The following IGFBPL1 variants were observed in gnomAD, a reference collection of about 807,000 sequenced individuals.
IGFBPL1 encodes the protein insulin-like growth factor-binding protein-like 1.
Under a neutral mutation model 23.9 loss-of-function variants are expected in IGFBPL1, and 20 were observed. The ratio of observed to expected loss-of-function variants is 0.84; its 90% CI spans 0.59 to 1.22. The LOEUF is 1.22. IGFBPL1 is among the 50% of genes most tolerant of loss of function. The probability of loss-of-function intolerance (pLI) is 0.00; values close to 1 mark genes in which losing one functional copy is unlikely to be tolerated. For synonymous variants in IGFBPL1, 184 were observed against 171.8 expected, an observed-to-expected ratio of 1.07 and a Z score of -0.56; for missense variants, 436 against 379.3, an observed-to-expected ratio of 1.15 and a Z score of -1.24.
chr9:38,412,003 G>GA (rs1306208742), intron 3 of IGFBPL1, among the ~76,000 whole-genome samples: 3 of 152,126 alleles, frequency 2.0e-5, no homozygotes, highest in Non-Finnish European at 2.9e-5. Context: ...TGCTTGATTT[G>GA]AAAAAACCGC....
chr9:38,413,021 C>T (rs1033749404), intron 3 of IGFBPL1, among the ~76,000 whole-genome samples: 2 of 152,180 alleles, frequency 1.3e-5, no homozygotes, highest in African/African-American at 2.4e-5. Context: ...GGGGTGAGGA[C>T]GTGGTGGACA....
intron 1 of IGFBPL1, among the ~76,000 whole-genome samples, chr9:38,423,414 C>T (rs12340545): frequency 0.61 from 92,787 of 151,826 alleles, 28,682 homozygotes; most frequent in East Asian, 0.74. Flanking sequence ...GGTCTTACTT[C>T]TCCTGGATGG....
In IGFBPL1 at chr9:38,407,819, T is replaced by G. The variant is rs1432024375; in HGVS notation, c.*1408A>C. Among the ~76,000 whole-genome samples, 2 of 152,210 alleles carry G rather than the reference T, an allele frequency of 1.3e-5. No individual in the cohort carries two copies. Among genetic ancestry groups the G allele is most frequent in the Non-Finnish European group, 2.9e-5 (2 of 68,042 alleles). On this transcript the variant is annotated 3_prime_UTR_variant, in exon 5 of 5. Coordinates refer to ENST00000377694, the MANE Select transcript of IGFBPL1 (RefSeq NM_001007563.3). Reference sequence around the variant, plus strand: ...CCTGTCCTGCCCCATCTCCCAGAGTTGGGATCAAGCTTTATGAACTTAAAG... The same window carrying G: ...CCTGTCCTGCCCCATCTCCCAGAGTGGGGATCAAGCTTTATGAACTTAAAG...
chr9:38,417,282 C>T (rs1205523550), intron 1 of IGFBPL1, among the ~76,000 whole-genome samples: 1 of 152,184 alleles, frequency 6.6e-6, no homozygotes, highest in African/African-American at 2.4e-5. Context: ...AACCACTGTG[C>T]TAACACCATC....
intron 1 of IGFBPL1, among the ~76,000 whole-genome samples, chr9:38,418,746 T>C (rs927067950): frequency 5.9e-5 from 9 of 152,110 alleles, no homozygotes; most frequent in Admixed American, 5.9e-4. Context: ...CTTGTTTCCT[T>C]CTGCTTGTGC....
intron 1 of IGFBPL1, among the ~76,000 whole-genome samples, chr9:38,418,269 C>T (rs1821628395): frequency 6.6e-6 from 1 of 152,182 alleles, no homozygotes; most frequent in South Asian, 2.1e-4. Context: ...GTGGAAGAGT[C>T]CAGGTTCAAA....
intron 1 of IGFBPL1, among the ~76,000 whole-genome samples, chr9:38,418,515 G>T (rs1206279153): frequency 1.3e-5 from 2 of 151,998 alleles, no homozygotes; most frequent in African/African-American, 4.8e-5. Flanking sequence ...TCTGGCCTTG[G>T]GTGAGAGGCA....
chr9:38,408,426 T>G lies in IGFBPL1; in HGVS notation c.*801A>C, dbSNP rs1821463847. Among the ~76,000 whole-genome samples the G allele has an allele frequency of 1.3e-5, 2 of 152,056 alleles. No individual in the cohort carries two copies. Among genetic ancestry groups the G allele is most frequent in the South Asian group, 4.1e-4 (2 of 4,822 alleles). ...CTGGGTGATAGAGCGAGACCCTGTC[T>G]CAAAATAAAATTTTAAAAAAGAGAA... On this transcript the variant is annotated 3_prime_UTR_variant, in exon 5 of 5. Coordinates refer to ENST00000377694, the MANE Select transcript of IGFBPL1 (RefSeq NM_001007563.3).
At chr9:38,420,695 G>T (rs545603527) in intron 1 of IGFBPL1, among the ~76,000 whole-genome samples, 1 of 152,300 alleles carries the variant, frequency 6.6e-6, no homozygotes, top group Admixed American at 6.5e-5. Flanking sequence ...AAATTAGCCA[G>T]GCGTGGTGGT....
At position 38,424,322 on chromosome 9, in the gene IGFBPL1, G is replaced by A. The variant is rs762110793; in HGVS notation, c.103C>T (p.Arg35Cys). ...SLGIRDVGGR[R>C]PKCGPCRPEG... The stretch of plus-strand genomic sequence containing the variant: ...GGCCGGCACGGACCACACTTGGGGC[G>A]CCGGCCGCCCACGTCGCGGATCCCA... Residue 35 changes from arginine to cysteine, a missense_variant, in exon 1 of 5, where the codon CGC (arginine) becomes TGC (cysteine). Coordinates refer to ENST00000377694, the MANE Select transcript of IGFBPL1 (RefSeq NM_001007563.3). 3 of 1,164,476 alleles carry A rather than the reference G, an allele frequency of 2.6e-6. No individual in the cohort carries two copies. The highest frequency in any genetic ancestry group is 3.5e-6 in the Non-Finnish European group (3 of 860,372). 72.1% of individuals were successfully genotyped at this position (1,164,476 alleles called of 1,614,324 possible).
At position 38,424,129 on chromosome 9, in the gene IGFBPL1, G is replaced by A. The variant is rs1289176727; in HGVS notation, c.296C>T (p.Ala99Val). The change falls in exon 1 of 5, where the codon GCG becomes GTG. Residue 99 changes from alanine to valine, a missense_variant. Coordinates refer to ENST00000377694, the MANE Select transcript of IGFBPL1 (RefSeq NM_001007563.3). ...CACGCAGAGCCCGGTGCCCTCGGGCGCTGCCCCAGCGGCCTGGCTCGCGCA... is the reference window on the plus strand; with the variant it reads ...CACGCAGAGCCCGGTGCCCTCGGGCACTGCCCCAGCGGCCTGGCTCGCGCA... ...LVCASQAAGA[A>V]PEGTGLCVCA... 2.4e-6 allele frequency: 3 copies of A among 1,258,088 alleles called. 1 individual carries two copies. Among genetic ancestry groups the A allele is most frequent in the Admixed American group, 8.3e-5 (2 of 24,032 alleles). The allele number at this position is 1,258,088 out of a possible 1,614,324, so 77.9% of individuals were successfully genotyped here.
In IGFBPL1 at chr9:38,408,741, C is replaced by T. The variant is rs1254883885; in HGVS notation, c.*486G>A. Reference sequence around the variant, plus strand: ...ACATTGATAACATCCAGTTAAAATGCCATACTCACAGATGAAGGGACCAGG... The same window carrying T: ...ACATTGATAACATCCAGTTAAAATGTCATACTCACAGATGAAGGGACCAGG... On this transcript the variant is annotated 3_prime_UTR_variant, in exon 5 of 5. Coordinates refer to ENST00000377694, the MANE Select transcript of IGFBPL1 (RefSeq NM_001007563.3). Among the ~76,000 whole-genome samples the T allele has an allele frequency of 6.6e-6, 1 of 152,130 alleles. No individual in the cohort carries two copies. The highest frequency in any genetic ancestry group is 2.4e-5 in the African/African-American group (1 of 41,422).
In IGFBPL1 at chr9:38,424,132, GC is replaced by G; in HGVS notation, c.292del (p.Ala98GlnfsTer81). On this transcript the variant is annotated frameshift_variant, in exon 1 of 5. Coordinates refer to ENST00000377694, the MANE Select transcript of IGFBPL1 (RefSeq NM_001007563.3). LOFTEE classifies it high-confidence loss of function. ...GLVCASQAAG[A>X]APEGTGLCVC... ...GCAGAGCCCGGTGCCCTCGGGCGCT[GC>G]CCCAGCGGCCTGGCTCGCGCATACC... 1 of 1,250,630 alleles carries G rather than the reference GC, an allele frequency of 8.0e-7. No homozygotes were observed. Among genetic ancestry groups the G allele is most frequent in the Non-Finnish European group, 1.0e-6 (1 of 998,086 alleles). 77.5% of individuals were successfully genotyped at this position (1,250,630 alleles called of 1,614,324 possible).
Position 38,424,072 on chromosome 9 carries a change from T to A in IGFBPL1, c.353A>T (p.Asp118Val). ...GCAGACGCTGGGGTACGAGCGACCG[T>A]CGGAGCCGCAGACGGTGCCGCGCTG... ...CAQRGTVCGSDGRSYPSVCAL... is the reference protein window; with the variant it reads ...CAQRGTVCGSVGRSYPSVCAL... The change falls in exon 1 of 5, where the codon GAC becomes GTC. Residue 118 changes from aspartate (D) to valine (V), a missense_variant. Asp to Val is a radical substitution (Grantham distance 152). Transcript: ENST00000377694. The A allele has an allele frequency of 4.3e-6, 6 of 1,396,708 alleles. No homozygotes were observed. The highest frequency in any genetic ancestry group is 5.5e-6 in the Non-Finnish European group (6 of 1,081,302). 86.5% of individuals were successfully genotyped at this position (1,396,708 alleles called of 1,614,324 possible). A position where few individuals can be genotyped will look rare whatever the true frequency, so the allele number is the denominator to read the frequency against.
intron 1 of IGFBPL1, 138 bp from the exon 2 acceptor site, chr9:38,414,341 C>A: frequency 1.7e-6 from 1 of 578,428 alleles, no homozygotes; most frequent in Non-Finnish European, 3.1e-6. Context: ...GGGCAGGAAT[C>A]CTAAAAGAGA....
chr9:38,423,394 C>T (rs145171154), intron 1 of IGFBPL1, among the ~76,000 whole-genome samples: 1 of 152,230 alleles, frequency 6.6e-6, no homozygotes, highest in Non-Finnish European at 1.5e-5. Flanking sequence ...TCAGACCTTA[C>T]GTCTCCAAAG....
rs1375916822 is a variant in IGFBPL1 at position 38,424,316 on chromosome 9, T to G, written c.109A>C (p.Lys37Gln). ...GIRDVGGRRP[K>Q]CGPCRPEGCP... ...CCCTCTGGCCGGCACGGACCACACTTGGGGCGCCGGCCGCCCACGTCGCGG... is the reference window on the plus strand; with the variant it reads ...CCCTCTGGCCGGCACGGACCACACTGGGGGCGCCGGCCGCCCACGTCGCGG... The change falls in exon 1 of 5, where the codon AAG becomes CAG. Residue 37 changes from lysine (K) to glutamine (Q), a missense_variant. Coordinates refer to ENST00000377694, the MANE Select transcript of IGFBPL1 (RefSeq NM_001007563.3). 7 of 1,217,312 alleles carry G rather than the reference T, an allele frequency of 5.8e-6. No individual in the cohort carries two copies. The South Asian group carries it at 1.1e-4, about 19-fold the overall frequency. The allele number at this position is 1,217,312 out of a possible 1,614,324, so 75.4% of individuals were successfully genotyped here. A position where few individuals can be genotyped will look rare whatever the true frequency, so the allele number is the denominator to read the frequency against.
At chr9:38,415,362 C>T (rs949191098) in intron 1 of IGFBPL1, among the ~76,000 whole-genome samples, 2 of 152,104 alleles carry the variant, frequency 1.3e-5, no homozygotes, top group African/African-American at 4.8e-5. Context: ...CAAGACTGCA[C>T]CTGGATAAGG....
At position 38,424,367 on chromosome 9, in the gene IGFBPL1, G is replaced by A. The variant is rs909443061; in HGVS notation, c.58C>T (p.Pro20Ser). The A allele has an allele frequency of 5.8e-6, 4 of 684,520 alleles. No homozygotes were observed. Among genetic ancestry groups the A allele is most frequent in the Non-Finnish European group, 9.7e-6 (4 of 412,066 alleles). 42.4% of individuals were successfully genotyped at this position (684,520 alleles called of 1,614,324 possible). A position where few individuals can be genotyped will look rare whatever the true frequency, so the allele number is the denominator to read the frequency against. The change falls in exon 1 of 5, where the codon CCG becomes TCG. Residue 20 changes from proline (P) to serine (S), a missense_variant. Physicochemically the swap from Pro to Ser is moderately conservative, Grantham distance 74. Transcript: ENST00000377694. ...ATCCCAAGGCTCGGGGACAGCGGCG[G>A]CAGCAGCGGCAGCAGCAGCAGAAGC... is the stretch of plus-strand genomic sequence containing the variant. ...LLLLLLLPLL[P>S]PLSPSLGIRD... is the part of the protein sequence containing the mutation.
Sources: gnomAD v4.1 joint callset for allele counts (sites outside exome capture counted in the v4.1 genomes callset) on GRCh38, gnomAD v4.1.1 for gene constraint, MANE v1.5 for transcripts, NCBI Gene and HGNC (gene_info 2026-07-23, HGNC 2026-07-21) for gene names.